Variants in ERC2 observed in about 807,000 individuals in gnomAD.
The protein encoded by ERC2 is ERC protein 2.
In ERC2, 42 loss-of-function variants were observed where a neutral mutation model predicts 114.8. The ratio of observed to expected loss-of-function variants is 0.37; its 90% CI spans 0.29 to 0.47. ERC2 has a LOEUF of 0.47. Among genes scored for constraint, ERC2 ranks in the 20% least tolerant of loss-of-function variants. The pLI, the probability that ERC2 is intolerant of heterozygous loss-of-function variation, is 0.99. For synonymous variants in ERC2, 454 were observed against 425.5 expected (o/e 1.07, Z -0.82); for missense variants, 939 against 1,150.7 (o/e 0.82, Z 2.66).
intron 2 of ERC2, among the ~76,000 whole-genome samples, chr3:56,374,241 C>T (rs1417948434): frequency 2.0e-5 from 3 of 152,080 alleles, no homozygotes; most frequent in Non-Finnish European, 4.4e-5. Flanking sequence ...GGACTACAGG[C>T]GCCTGCCACC....
chr3:55,865,389 T>C (rs1436301224), intron 14 of ERC2, among the ~76,000 whole-genome samples: 2 of 152,182 alleles, frequency 1.3e-5, no homozygotes. Flanking sequence ...TATATAAACA[T>C]AGGCATGGAC....
chr3:55,571,855 C>A (rs2056732342), intron 17 of ERC2, among the ~76,000 whole-genome samples: 1 of 152,210 alleles, frequency 6.6e-6, no homozygotes. Flanking sequence ...TTAATACCTG[C>A]AGGGGGTACT....
intron 14 of ERC2, among the ~76,000 whole-genome samples, chr3:55,805,987 A>T (rs1487740529): frequency 6.6e-6 from 1 of 152,168 alleles, no homozygotes; most frequent in East Asian, 1.9e-4. Flanking sequence ...GCATTACAAA[A>T]ATGATAGAGC....
rs139675310 is a variant in ERC2, at chr3:55,756,279, A to T, written c.2565-21361T>A. Among the ~76,000 whole-genome samples the T allele has an allele frequency of 1.1e-3, 174 of 152,340 alleles. 2 individuals are homozygous for T. In the East Asian group the frequency reaches 0.031, roughly 27 times the overall value. On this transcript the variant is annotated intron_variant, in intron 14 of 17. Transcript: ENST00000288221. ...CATCTTCAGGTGTTTTTGTACCTAC[A>T]TAATAGAAGGCGCTGATAATTATTA... is the stretch of plus-strand genomic sequence containing the variant.
At chr3:56,122,766 T>A (rs1363826404) in intron 6 of ERC2, among the ~76,000 whole-genome samples, 1 of 152,184 alleles carries the variant, frequency 6.6e-6, no homozygotes, top group Non-Finnish European at 1.5e-5. Flanking sequence ...AATGCCCGAA[T>A]GCCCGTAAGT....
intron 3 of ERC2, among the ~76,000 whole-genome samples, chr3:56,195,882 G>T (rs988662355): frequency 5.9e-5 from 9 of 151,962 alleles, no homozygotes; most frequent in Admixed American, 2.0e-4. Context: ...GAAGTCTACT[G>T]TCTGCACTTA....
At chr3:55,664,579 T>C (rs2148717021) in intron 17 of ERC2, among the ~76,000 whole-genome samples, 1 of 152,262 alleles carries the variant, frequency 6.6e-6, no homozygotes, top group Non-Finnish European at 1.5e-5. Context: ...TGGGTTACCA[T>C]CTCGCCTTTG....
intron 14 of ERC2, among the ~76,000 whole-genome samples, chr3:55,735,540 T>C (rs815449): frequency 0.56 from 84,435 of 151,986 alleles, 24,002 homozygotes; most frequent in South Asian, 0.71. Context: ...AGAACTAATT[T>C]ACTCCTGAGA....
At chr3:55,761,200 G>C (rs2067407487) in intron 14 of ERC2, among the ~76,000 whole-genome samples, 1 of 152,136 alleles carries the variant, frequency 6.6e-6, no homozygotes, top group Non-Finnish European at 1.5e-5. Context: ...TACTACTGGA[G>C]CTCAGGTCCC....
intron 17 of ERC2, among the ~76,000 whole-genome samples, chr3:55,673,274 T>A (rs2061637618): frequency 6.6e-6 from 1 of 152,152 alleles, no homozygotes; most frequent in African/African-American, 2.4e-5. Context: ...TCCCAATGTG[T>A]CACCTGCCTT....
At chr3:55,864,158 C>CATATATATACACATATATATATACACAT (rs769648344) in intron 14 of ERC2, among the ~76,000 whole-genome samples, 2 of 112,992 alleles carry the variant, frequency 1.8e-5, no homozygotes, top group Non-Finnish European at 3.6e-5. Context: ...TATATATACA[C>CATATATATACACATATATATATACACAT]ATATATATAC....
chr3:55,621,619 G>A (rs1454217637), intron 17 of ERC2, among the ~76,000 whole-genome samples: 2 of 152,176 alleles, frequency 1.3e-5, no homozygotes, highest in Non-Finnish European at 2.9e-5. Flanking sequence ...ATAATGCAAA[G>A]TGTTAACAGG....
intron 6 of ERC2, among the ~76,000 whole-genome samples, chr3:56,112,608 C>T (rs894133503): frequency 6.6e-6 from 1 of 151,946 alleles, no homozygotes; most frequent in Non-Finnish European, 1.5e-5. Context: ...AAAAGGTGAT[C>T]CTGGAATTTG....
At chr3:56,026,405 A>G (rs2074055770) in intron 7 of ERC2, among the ~76,000 whole-genome samples, 1 of 152,186 alleles carries the variant, frequency 6.6e-6, no homozygotes, top group African/African-American at 2.4e-5. Context: ...GGTTCCCAGC[A>G]TTAGGGTCTA....
At chr3:56,294,820 A>C (rs1414488160) in intron 3 of ERC2, among the ~76,000 whole-genome samples, 1 of 152,216 alleles carries the variant, frequency 6.6e-6, no homozygotes, top group African/African-American at 2.4e-5. Flanking sequence ...GATGGATGGG[A>C]AGACCAGGCC....
At chr3:55,988,921 T>C (rs2070840119) in intron 11 of ERC2, among the ~76,000 whole-genome samples, 1 of 152,206 alleles carries the variant, frequency 6.6e-6, no homozygotes, top group Admixed American at 6.5e-5. Context: ...GAAGAAGATG[T>C]TTTGGTCAGA....
At chr3:56,319,731 G>C (rs1028907654) in intron 2 of ERC2, among the ~76,000 whole-genome samples, 1 of 152,044 alleles carries the variant, frequency 6.6e-6, no homozygotes, top group African/African-American at 2.4e-5. Context: ...AGCTACTCAA[G>C]AGGCCCAGGA....
chr3:56,440,789 T>G (rs2062263965), intron 1 of ERC2, among the ~76,000 whole-genome samples: 1 of 152,224 alleles, frequency 6.6e-6, no homozygotes, highest in Non-Finnish European at 1.5e-5. Flanking sequence ...ATAAGTCTTG[T>G]ATTTTCCTTT....
chr3:56,280,498 G>C (rs755021355), intron 3 of ERC2, among the ~76,000 whole-genome samples: 1 of 148,266 alleles, frequency 6.7e-6, no homozygotes, highest in Non-Finnish European at 1.5e-5. Flanking sequence ...AAGGACACAG[G>C]GGGAGAATAG....
Sources: allele counts gnomAD v4.1 joint callset (sites outside exome capture counted in the v4.1 genomes callset), GRCh38; gene constraint gnomAD v4.1.1; transcripts MANE v1.5; gene names NCBI Gene and HGNC (gene_info 2026-07-23, HGNC 2026-07-21).